Variants in GABBR2 observed in about 807,000 individuals in gnomAD.
GABBR2 encodes gamma-aminobutyric acid type B receptor subunit 2.
Under a neutral mutation model 105.6 loss-of-function variants are expected in GABBR2, and 23 were observed. The observed-to-expected ratio is 0.22, with a 90% CI of 0.16 to 0.31. The LOEUF is 0.31. Ranked by LOEUF, GABBR2 falls within the 10% of genes least tolerant of loss-of-function variation. GABBR2 has a pLI of 1.00. For synonymous variants in GABBR2, 478 were observed against 499.7 expected (o/e 0.96, Z 0.58); for missense variants, 734 against 1,245.5 (o/e 0.59, Z 6.18).
At chr9:98,632,282 G>A (rs1829825436) in intron 1 of GABBR2, among the ~76,000 whole-genome samples, 1 of 152,194 alleles carries the variant, frequency 6.6e-6, no homozygotes, top group African/African-American at 2.4e-5. Context: ...TCTGCAAAAT[G>A]GAAATAATAA....
chr9:98,560,287 G>A (rs1210963072), intron 2 of GABBR2, among the ~76,000 whole-genome samples: 1 of 152,050 alleles, frequency 6.6e-6, no homozygotes, highest in Non-Finnish European at 1.5e-5. Context: ...GAGTCACATG[G>A]AGAAAAATGT....
chr9:98,471,311 G>A (rs538595696), intron 6 of GABBR2, among the ~76,000 whole-genome samples: 25 of 152,166 alleles, frequency 1.6e-4, no homozygotes, highest in Admixed American at 1.6e-3. Context: ...CTTATGAGTG[G>A]GTTTTCCAAA....
At chr9:98,326,205 T>A (rs1830919734) in intron 13 of GABBR2, among the ~76,000 whole-genome samples, 1 of 152,218 alleles carries the variant, frequency 6.6e-6, no homozygotes, top group African/African-American at 2.4e-5. Context: ...TTGTACATTT[T>A]TTTCTATGAA....
chr9:98,473,138 G>A lies in GABBR2; in HGVS notation c.999+8C>T, dbSNP rs376018425. ...CCAGAAGGTTGAAATGGGGACCAAG[G>A]CACTGACCTTTCCTGAGATGGTCTT... On this transcript the variant is annotated splice_region_variant and intron_variant, in intron 6 of 18. Coordinates refer to ENST00000259455, the MANE Select transcript of GABBR2 (RefSeq NM_005458.8). 5.6e-6 allele frequency: 9 copies of A among 1,606,640 alleles called. No individual in the cohort carries two copies. Among genetic ancestry groups the A allele is most frequent in the South Asian group, 5.5e-5 (5 of 90,698 alleles).
intron 1 of GABBR2, among the ~76,000 whole-genome samples, chr9:98,628,968 G>A (rs1209252983): frequency 6.6e-6 from 1 of 152,174 alleles, no homozygotes; most frequent in East Asian, 1.9e-4. Context: ...TATCAGAGAA[G>A]GGCTTGCCTT....
At chr9:98,385,529 G>A in intron 11 of GABBR2, 111 bp downstream of exon 11, 1 of 860,290 alleles carries the variant, frequency 1.2e-6, no homozygotes, top group South Asian at 1.5e-5. Flanking sequence ...GTTGTTCCCT[G>A]CCTGTTCATG....
chr9:98,534,817 C>T lies in GABBR2; in HGVS notation c.630+7056G>A, dbSNP rs115300770. Among the ~76,000 whole-genome samples, 779 of 152,306 alleles carry T rather than the reference C, an allele frequency of 5.1e-3. 10 individuals carry two copies. Among genetic ancestry groups the T allele is most frequent in the African/African-American group, 0.018 (748 of 41,556 alleles). On this transcript the variant is annotated intron_variant, in intron 3 of 18. Coordinates refer to ENST00000259455, the MANE Select transcript of GABBR2 (RefSeq NM_005458.8). ...ACAGCCACTTTGGAAGACAGTTTGG[C>T]GTTTTCTTACAACATGAAACATACC... is the stretch of plus-strand genomic sequence containing the variant.
intron 1 of GABBR2, among the ~76,000 whole-genome samples, chr9:98,586,284 CTTTTTTT>C (rs569530376): frequency 5.3e-5 from 7 of 131,100 alleles, no homozygotes; most frequent in African/African-American, 8.6e-5. Context: ...TCTTTTCTTT[CTTTTTTT>C]TTTTTTTTTT....
At chr9:98,492,679 TTTGGGGGAGTA>T (rs1278688359) in intron 4 of GABBR2, among the ~76,000 whole-genome samples, 1 of 152,110 alleles carries the variant, frequency 6.6e-6, no homozygotes, top group African/African-American at 2.4e-5. Flanking sequence ...AACTAGACAG[TTTGGGGGAGTA>T]TTGGTCAGGT....
chr9:98,297,313 T>C (rs1220263954), intron 17 of GABBR2, among the ~76,000 whole-genome samples: 1 of 152,234 alleles, frequency 6.6e-6, no homozygotes, highest in African/African-American at 2.4e-5. Context: ...TTACTACTTA[T>C]ATAATCAGAA....
At chr9:98,674,839 C>G (rs1830454292) in intron 1 of GABBR2, among the ~76,000 whole-genome samples, 1 of 152,142 alleles carries the variant, frequency 6.6e-6, no homozygotes, top group Admixed American at 6.5e-5. Context: ...AGAGGCTGTG[C>G]ATGTGAGCCA....
At chr9:98,568,063 C>T (rs760152377) in intron 2 of GABBR2, among the ~76,000 whole-genome samples, 10 of 152,134 alleles carry the variant, frequency 6.6e-5, no homozygotes, top group Non-Finnish European at 1.2e-4. Flanking sequence ...CCCTGAAGAT[C>T]GGAGGGTGCT....
At position 98,604,999 on chromosome 9, in the gene GABBR2, C is replaced by T. The variant is rs145697644; in HGVS notation, c.322-26927G>A. Among the ~76,000 whole-genome samples the T allele has an allele frequency of 1.3e-3, 203 of 152,328 alleles. 1 individual carries two copies. The highest frequency in any genetic ancestry group is 4.4e-3 in the African/African-American group (184 of 41,576). On this transcript the variant is annotated intron_variant, in intron 1 of 18. Transcript: ENST00000259455. ...GCTAAGGACCAAGAGCCAAGGCTGA[C>T]GTGGTCCCTGCCCTCCTGGTCTCCC...
At chr9:98,539,615 G>A (rs1339216880) in intron 3 of GABBR2, among the ~76,000 whole-genome samples, 1 of 152,052 alleles carries the variant, frequency 6.6e-6, no homozygotes, top group Non-Finnish European at 1.5e-5. Flanking sequence ...AGCCAAAGAT[G>A]CTATTAGAAA....
chr9:98,339,270 T>C (rs1831168362), intron 13 of GABBR2, among the ~76,000 whole-genome samples: 1 of 141,130 alleles, frequency 7.1e-6, no homozygotes, highest in Non-Finnish European at 1.5e-5. Context: ...TTTTATGATA[T>C]GTGAATTATA....
chr9:98,344,308 T>C (rs1423237277), intron 13 of GABBR2, among the ~76,000 whole-genome samples: 1 of 152,144 alleles, frequency 6.6e-6, no homozygotes, highest in Non-Finnish European at 1.5e-5. Flanking sequence ...GTAGAGTAGG[T>C]GCTCAAAAAA....
At chr9:98,681,219 T>C (rs1490567305) in intron 1 of GABBR2, among the ~76,000 whole-genome samples, 1 of 143,872 alleles carries the variant, frequency 7.0e-6, no homozygotes, top group Non-Finnish European at 1.5e-5. Context: ...TAGACTGGAT[T>C]AAGAAAATGT....
intron 16 of GABBR2, 52 bp downstream of exon 16, chr9:98,303,189 G>A: frequency 6.7e-7 from 1 of 1,486,220 alleles, no homozygotes; most frequent in Non-Finnish European, 9.3e-7. Flanking sequence ...CACAGGGTTA[G>A]AGGGGCTTCA....
At chr9:98,460,327 G>C (rs1276503665) in intron 6 of GABBR2, among the ~76,000 whole-genome samples, 1 of 152,248 alleles carries the variant, frequency 6.6e-6, no homozygotes, top group East Asian at 1.9e-4. Context: ...AGTGAGCCAA[G>C]ATCACACCGC....
Sources: gnomAD v4.1 joint callset for allele counts (sites outside exome capture counted in the v4.1 genomes callset) on GRCh38, gnomAD v4.1.1 for gene constraint, MANE v1.5 for transcripts, NCBI Gene and HGNC (gene_info 2026-07-23, HGNC 2026-07-21) for gene names.